The following GLCCI1 variants were observed in gnomAD, a reference collection of about 807,000 sequenced individuals.
The protein encoded by GLCCI1 is glucocorticoid induced 1.
Under a neutral mutation model 52.2 loss-of-function variants are expected in GLCCI1, and 24 were observed. The ratio of observed to expected loss-of-function variants is 0.46; its 90% CI spans 0.33 to 0.65. GLCCI1 has a LOEUF of 0.65. GLCCI1 is among the 30% of genes least tolerant of loss of function. The pLI is 0.02. For synonymous variants in GLCCI1, 310 were observed against 276.5 expected (o/e 1.12, Z -1.20); for missense variants, 704 against 701.5 (o/e 1.00, Z -0.04).
chr7:7,973,467 A>C (rs1227951002), intron 1 of GLCCI1, among the ~76,000 whole-genome samples: 1 of 151,602 alleles, frequency 6.6e-6, no homozygotes, highest in Admixed American at 6.6e-5. Flanking sequence ...CATTAGGATT[A>C]ATTATAAGTT....
chr7:8,047,034 G>A (rs1782146445), intron 3 of GLCCI1, among the ~76,000 whole-genome samples: 2 of 152,092 alleles, frequency 1.3e-5, no homozygotes, highest in Non-Finnish European at 2.9e-5. Flanking sequence ...TCTAAGTATA[G>A]CATAAAGGAA....
At chr7:8,002,609 A>G (rs1052348684) in intron 1 of GLCCI1, among the ~76,000 whole-genome samples, 13 of 152,298 alleles carry the variant, frequency 8.5e-5, no homozygotes, top group African/African-American at 2.6e-4. Flanking sequence ...CTGGTAAACT[A>G]TGTATTCTGA....
At chr7:8,049,120 C>T (rs1009090525) in intron 3 of GLCCI1, among the ~76,000 whole-genome samples, 3 of 152,030 alleles carry the variant, frequency 2.0e-5, no homozygotes, top group Admixed American at 6.6e-5. Context: ...CTCATTAGTA[C>T]GTTATATTTT....
chr7:8,040,117 A>AG (rs1353169942), intron 3 of GLCCI1, among the ~76,000 whole-genome samples: 1 of 152,158 alleles, frequency 6.6e-6, no homozygotes, highest in African/African-American at 2.4e-5. Context: ...TTCATCAAAG[A>AG]GAATGTATGA....
chr7:8,011,881 T>G (rs974293214), intron 2 of GLCCI1, among the ~76,000 whole-genome samples: 1 of 152,126 alleles, frequency 6.6e-6, no homozygotes, highest in Non-Finnish European at 1.5e-5. Flanking sequence ...AGTGGCACTA[T>G]CTTGGCTCAC....
At chr7:8,019,584 G>A (rs990746928) in intron 2 of GLCCI1, among the ~76,000 whole-genome samples, 13 of 151,520 alleles carry the variant, frequency 8.6e-5, no homozygotes, top group Non-Finnish European at 1.3e-4. Context: ...GATATGTTTT[G>A]AGAAATGCAT....
intron 3 of GLCCI1, among the ~76,000 whole-genome samples, chr7:8,053,576 C>G (rs574574268): frequency 5.4e-4 from 82 of 151,494 alleles, no homozygotes; most frequent in African/African-American, 1.7e-3. Flanking sequence ...CCACCTGCCT[C>G]AGCCTCCCAG....
intron 3 of GLCCI1, among the ~76,000 whole-genome samples, chr7:8,041,172 C>T (rs909021669): frequency 7.2e-5 from 11 of 152,124 alleles, no homozygotes; most frequent in African/African-American, 1.2e-4. Context: ...ATTGCTGACA[C>T]GGAGAAAATT....
At chr7:7,989,850 C>G (rs1206423389) in intron 1 of GLCCI1, among the ~76,000 whole-genome samples, 1 of 152,010 alleles carries the variant, frequency 6.6e-6, no homozygotes, top group African/African-American at 2.4e-5. Context: ...CCTCTCCTGT[C>G]TCATTCTAAA....
chr7:8,012,070 C>T (rs116703080), intron 2 of GLCCI1, among the ~76,000 whole-genome samples: 12,733 of 152,112 alleles, frequency 0.084, 838 homozygotes, highest in East Asian at 0.27. Flanking sequence ...TTGCCTCGGC[C>T]TTCCAAAGTG....
At chr7:7,987,407 G>A (rs37989) in intron 1 of GLCCI1, among the ~76,000 whole-genome samples, 1,926 of 152,134 alleles carry the variant, frequency 0.013, 16 homozygotes, top group Non-Finnish European at 0.021. Context: ...CCTTTACATC[G>A]TACTGTCACT....
intron 4 of GLCCI1, among the ~76,000 whole-genome samples, chr7:8,059,325 G>T (rs1198800041): frequency 6.6e-6 from 1 of 152,196 alleles, no homozygotes; most frequent in Non-Finnish European, 1.5e-5. Flanking sequence ...TTATTAGTGT[G>T]CTAACCAATG....
At chr7:7,972,491 C>A (rs1206697339) in intron 1 of GLCCI1, among the ~76,000 whole-genome samples, 1 of 152,178 alleles carries the variant, frequency 6.6e-6, no homozygotes, top group South Asian at 2.1e-4. Flanking sequence ...GGTGACATAA[C>A]TGAGCATTCA....
chr7:8,062,205 T>C (rs550839592), intron 5 of GLCCI1, among the ~76,000 whole-genome samples: 5 of 152,324 alleles, frequency 3.3e-5, no homozygotes, highest in Admixed American at 6.5e-5. Flanking sequence ...TACAAACTTA[T>C]AATTTTTAGA....
intron 1 of GLCCI1, among the ~76,000 whole-genome samples, chr7:7,991,689 T>G (rs1192251353): frequency 1.3e-5 from 2 of 152,102 alleles, no homozygotes; most frequent in Non-Finnish European, 2.9e-5. Context: ...GAGAAGATCT[T>G]CCTCAAGGCT....
intron 3 of GLCCI1, among the ~76,000 whole-genome samples, chr7:8,028,122 T>C (rs911773762): frequency 5.3e-5 from 8 of 152,210 alleles, no homozygotes; most frequent in Non-Finnish European, 5.9e-5. Flanking sequence ...CTAATAGATA[T>C]TTACAGAACA....
At chr7:8,077,463 A>G (rs915889638) in intron 6 of GLCCI1, among the ~76,000 whole-genome samples, 2 of 152,174 alleles carry the variant, frequency 1.3e-5, no homozygotes, top group African/African-American at 4.8e-5. Flanking sequence ...AACTTAGTGA[A>G]ACAGATAGCA....
chr7:7,997,926 CAAATAAAT>C (rs55772533), intron 1 of GLCCI1, among the ~76,000 whole-genome samples: 71,050 of 138,916 alleles, frequency 0.51, 18,862 homozygotes, highest in Non-Finnish European at 0.58. Context: ...GACTCTGTCT[CAAATAAAT>C]AAATAAATAA....
Position 8,086,416 on chromosome 7 carries a change from G to C in GLCCI1, c.1522G>C (p.Asp508His). 7 of 1,614,062 alleles carry C rather than the reference G, an allele frequency of 4.3e-6. No individual in the cohort carries two copies. The highest frequency in any genetic ancestry group is 5.9e-6 in the Non-Finnish European group (7 of 1,180,036). The change falls in exon 8 of 8, where the codon GAT becomes CAT. Residue 508 changes from aspartate to histidine, a missense_variant. By Grantham distance (81) the Asp-to-His change is moderately conservative. Around this residue, in one of 3 missense-constraint regions of GLCCI1, gnomAD observed 149 missense variants for 152.9 expected, o/e 0.97. Coordinates refer to ENST00000223145, the MANE Select transcript of GLCCI1 (RefSeq NM_138426.4). The surrounding 1 kb of genome is among the most constrained non-coding windows in gnomAD (Gnocchi z 4.4). Reference protein sequence around the residue: ...SSRVSFTSLSDDTSTAGSMEA... With the variant: ...SSRVSFTSLSHDTSTAGSMEA... ...CCGGGTTTCCTTTACGTCTCTTTCT[G>C]ATGACACCAGCACAGCGGGCTCCAT...
Sources: allele counts gnomAD v4.1 joint callset (sites outside exome capture counted in the v4.1 genomes callset), GRCh38; gene constraint gnomAD v4.1.1; regional missense constraint gnomAD v4.1.1; non-coding constraint Gnocchi (gnomAD v3.1); transcripts MANE v1.5; gene names NCBI Gene and HGNC (gene_info 2026-07-23, HGNC 2026-07-21).